The following DPYD variants were observed in gnomAD, a reference collection of about 807,000 sequenced individuals.
DPYD encodes the protein dihydropyrimidine dehydrogenase.
A neutral mutation model predicts 116.2 loss-of-function variants in DPYD; 109 were observed. The ratio of observed to expected loss-of-function variants is 0.94; its 90% CI spans 0.80 to 1.10. The LOEUF (loss-of-function observed/expected upper bound fraction) is 1.10, where lower values mean the gene tolerates loss of function less well. Ranked by LOEUF, DPYD falls within the 50% of genes least tolerant of loss-of-function variation. The probability of loss-of-function intolerance (pLI) is 0.00; values close to 1 mark genes in which losing one functional copy is unlikely to be tolerated. For synonymous variants in DPYD, 440 were observed against 432.0 expected (o/e 1.02, Z -0.23); for missense variants, 1,302 against 1,254.5 (o/e 1.04, Z -0.57).
chr1:97,669,971 T>C (rs975030666), intron 8 of DPYD, among the ~76,000 whole-genome samples: 1 of 152,144 alleles, frequency 6.6e-6, no homozygotes, highest in Non-Finnish European at 1.5e-5. Context: ...GCTGTGTGGT[T>C]TGTAGTGTGA....
At chr1:97,333,517 A>ATT (rs778577478) in intron 16 of DPYD, among the ~76,000 whole-genome samples, 11,769 of 96,942 alleles carry the variant, frequency 0.12, 1,010 homozygotes, top group East Asian at 0.27. Flanking sequence ...AAGTCTTAGG[A>ATT]TTTTTTTTTT....
chr1:97,514,133 T>C (rs1057089007), intron 13 of DPYD: 1 of 886,608 alleles, frequency 1.1e-6, no homozygotes, highest in Non-Finnish European at 1.4e-6. Flanking sequence ...TCTAAATTGA[T>C]AGATTAAATT....
rs139354815 is a variant in DPYD, at chr1:97,906,950, C to G, written c.39+13934G>C. The stretch of plus-strand genomic sequence containing the variant: ...CCATCACTACTGTTGCACTCTAGAG[C>G]CATTATTAAGTAAAATATGCGTTTC... On this transcript the variant is annotated intron_variant, in intron 1 of 22. Transcript: ENST00000370192. Among the ~76,000 whole-genome samples, 367 of 152,112 alleles carry G rather than the reference C, an allele frequency of 2.4e-3. 6 individuals are homozygous for G. Among genetic ancestry groups the G allele is most frequent in the African/African-American group, 8.5e-3 (351 of 41,518 alleles).
intron 3 of DPYD, among the ~76,000 whole-genome samples, chr1:97,762,982 C>A (rs1294718570): frequency 6.6e-6 from 1 of 152,000 alleles, no homozygotes. Context: ...TTATGAGGAA[C>A]AAAGGAGATT....
At chr1:97,715,863 C>T (rs911646171) in intron 5 of DPYD, among the ~76,000 whole-genome samples, 1 of 152,020 alleles carries the variant, frequency 6.6e-6, no homozygotes, top group African/African-American at 2.4e-5. Context: ...AGCACACCTG[C>T]AATACTCTAT....
At chr1:97,441,940 T>A (rs1175177863) in intron 14 of DPYD, among the ~76,000 whole-genome samples, 1 of 151,924 alleles carries the variant, frequency 6.6e-6, no homozygotes, top group Admixed American at 6.6e-5. Context: ...TAATTAAGAG[T>A]CTTATTTATA....
intron 3 of DPYD, among the ~76,000 whole-genome samples, chr1:97,782,821 T>C (rs1666826352): frequency 6.6e-6 from 1 of 152,214 alleles, no homozygotes; most frequent in African/African-American, 2.4e-5. Flanking sequence ...CAAACTCCTT[T>C]GTTACTTTTG....
In DPYD at chr1:97,515,801, G is replaced by T; in HGVS notation, c.1665C>A (p.Thr555=). ...PFGLASATPA[T]STSMIRRAFE... ...AAGCTCTTCGAATCATTGATGTGCT[G>T]GTGGCTGGAGTTGCGCTAGCAAGAC... Residue 555 remains threonine, a synonymous_variant, in exon 13 of 23, where the codon ACC becomes ACA. Coordinates refer to ENST00000370192, the MANE Select transcript of DPYD (RefSeq NM_000110.4). 6.2e-7 allele frequency: 1 copy of T among 1,612,932 alleles called. No individual in the cohort carries two copies. Among genetic ancestry groups the T allele is most frequent in the Non-Finnish European group, 8.5e-7 (1 of 1,179,286 alleles).
intron 12 of DPYD, among the ~76,000 whole-genome samples, chr1:97,547,227 A>C (rs763626767): frequency 2.0e-5 from 3 of 148,854 alleles, no homozygotes; most frequent in Non-Finnish European, 4.4e-5. Context: ...GTTATTATTA[A>C]AAAAAACTGT....
chr1:97,903,342 T>C (rs911468144), intron 1 of DPYD, among the ~76,000 whole-genome samples: 4 of 151,944 alleles, frequency 2.6e-5, no homozygotes, highest in Non-Finnish European at 4.4e-5. Flanking sequence ...TCCGAATGAA[T>C]GATAACCCCC....
intron 21 of DPYD, among the ~76,000 whole-genome samples, chr1:97,083,065 G>A (rs1003428496): frequency 1.3e-5 from 2 of 152,082 alleles, no homozygotes; most frequent in Admixed American, 6.6e-5. Context: ...TAAGTCAGAT[G>A]CTCTTTTACT....
intron 8 of DPYD, among the ~76,000 whole-genome samples, chr1:97,619,381 G>C (rs1656496735): frequency 6.6e-6 from 1 of 152,104 alleles, no homozygotes; most frequent in Non-Finnish European, 1.5e-5. Context: ...ACCATGTTCT[G>C]TTTGATTCGC....
At chr1:97,696,160 AAG>A (rs1661295220) in intron 6 of DPYD, among the ~76,000 whole-genome samples, 3 of 151,776 alleles carry the variant, frequency 2.0e-5, no homozygotes, top group African/African-American at 7.3e-5. Context: ...AAAAGAAAAA[AAG>A]AAAAAAAAAA....
chr1:97,491,766 T>C (rs1436174528), intron 13 of DPYD, among the ~76,000 whole-genome samples: 3 of 152,152 alleles, frequency 2.0e-5, no homozygotes, highest in Non-Finnish European at 4.4e-5. Flanking sequence ...GTCTATTATA[T>C]AAAGTTTTTA....
intron 18 of DPYD, among the ~76,000 whole-genome samples, chr1:97,260,651 G>A (rs1005994228): frequency 1.3e-4 from 20 of 152,052 alleles, no homozygotes; most frequent in Admixed American, 4.6e-4. Context: ...GTGTGGTTTA[G>A]TAGAAACAAA....
At chr1:97,411,885 CAG>C (rs1008158212) in intron 14 of DPYD, among the ~76,000 whole-genome samples, 1 of 152,042 alleles carries the variant, frequency 6.6e-6, no homozygotes, top group African/African-American at 2.4e-5. Flanking sequence ...AAAAATAAAA[CAG>C]AGTGTACAAC....
chr1:97,403,511 T>C (rs1673483143), intron 14 of DPYD, among the ~76,000 whole-genome samples: 2 of 152,056 alleles, frequency 1.3e-5, no homozygotes, highest in South Asian at 4.1e-4. Flanking sequence ...ATAAGCTGAT[T>C]AAGATTGTCT....
At chr1:97,632,355 T>C (rs1251340415) in intron 8 of DPYD, among the ~76,000 whole-genome samples, 2 of 152,170 alleles carry the variant, frequency 1.3e-5, no homozygotes, top group Non-Finnish European at 2.9e-5. Context: ...GTTCTAGAGC[T>C]ATCTACCATC....
At chr1:97,665,524 A>T (rs72975785) in intron 8 of DPYD, among the ~76,000 whole-genome samples, 22,902 of 152,064 alleles carry the variant, frequency 0.15, 1,898 homozygotes, top group African/African-American at 0.2. Context: ...GAATTTAATA[A>T]ATTTTTACAA....
Sources: allele counts gnomAD v4.1 joint callset (sites outside exome capture counted in the v4.1 genomes callset), GRCh38; gene constraint gnomAD v4.1.1; transcripts MANE v1.5; gene names NCBI Gene and HGNC (gene_info 2026-07-23, HGNC 2026-07-21).